The following SLC35F3 variants were observed in gnomAD, a reference collection of about 807,000 sequenced individuals.
The protein encoded by SLC35F3 is putative thiamine transporter SLC35F3.
Under a neutral mutation model 49.9 loss-of-function variants are expected in SLC35F3, and 25 were observed. The observed-to-expected ratio is 0.50, with a 90% confidence interval of 0.37 to 0.70. The LOEUF is 0.70. Ranked by LOEUF, SLC35F3 falls within the 30% of genes least tolerant of loss-of-function variation. The pLI is 0.00. For synonymous variants in SLC35F3, 275 were observed against 265.4 expected (o/e 1.04, Z -0.35); for missense variants, 525 against 639.8 (o/e 0.82, Z 1.94).
At chr1:234,260,565 G>T (rs186957835) in intron 3 of SLC35F3, among the ~76,000 whole-genome samples, 47 of 152,222 alleles carry the variant, frequency 3.1e-4, no homozygotes, top group African/African-American at 1.1e-3. Context: ...AGTTTTGAAC[G>T]GTAAGACTAG....
At chr1:234,289,037 G>A (rs10157528) in intron 3 of SLC35F3, among the ~76,000 whole-genome samples, 101,443 of 152,106 alleles carry the variant, frequency 0.67, 34,882 homozygotes, top group Non-Finnish European at 0.74. Flanking sequence ...GAAAAGGGGG[G>A]AAGAGAAAGC....
At chr1:234,280,306 T>C (rs1393667597) in intron 3 of SLC35F3, among the ~76,000 whole-genome samples, 1 of 152,264 alleles carries the variant, frequency 6.6e-6, no homozygotes, top group African/African-American at 2.4e-5. Context: ...CTCCTTATTC[T>C]TGCTGACCAT....
At chr1:233,984,112 G>A (rs755651721) in intron 2 of SLC35F3, among the ~76,000 whole-genome samples, 16 of 152,152 alleles carry the variant, frequency 1.1e-4, no homozygotes, top group Non-Finnish European at 2.1e-4. Flanking sequence ...AAGCGCATAG[G>A]TGCTTGGTCC....
chr1:234,293,860 G>A (rs1237213081), intron 3 of SLC35F3, among the ~76,000 whole-genome samples: 1 of 152,140 alleles, frequency 6.6e-6, no homozygotes, highest in Non-Finnish European at 1.5e-5. Context: ...TCATAAAACT[G>A]TTCTCTTTAG....
chr1:234,072,408 T>C (rs1664728938), intron 2 of SLC35F3, among the ~76,000 whole-genome samples: 1 of 152,222 alleles, frequency 6.6e-6, no homozygotes, highest in African/African-American at 2.4e-5. Context: ...CAGACACTGA[T>C]GGAGATAATG....
chr1:234,058,170 A>T (rs12061044), intron 2 of SLC35F3, among the ~76,000 whole-genome samples: 1 of 149,978 alleles, frequency 6.7e-6, no homozygotes. Context: ...CATATTGTCA[A>T]TTTTTTTTGG....
chr1:234,078,517 C>G lies in SLC35F3; in HGVS notation c.284-152900C>G, dbSNP rs1001599914. On this transcript the variant is annotated intron_variant, in intron 2 of 7. Coordinates refer to ENST00000366618, the MANE Select transcript of SLC35F3 (RefSeq NM_173508.4). ...CAGTCAGCCCTGTTGATCCCCCTTG[C>G]TCCTTTCTGAAGGAATCCTCTCCAT... Among the ~76,000 whole-genome samples the G allele has an allele frequency of 3.9e-5, 6 of 152,228 alleles. No individual in the cohort carries two copies. In the East Asian group the frequency reaches 1.2e-3, roughly 29 times the overall value.
intron 2 of SLC35F3, among the ~76,000 whole-genome samples, chr1:234,072,800 G>A (rs1283139471): frequency 2.0e-5 from 3 of 152,182 alleles, no homozygotes; most frequent in Non-Finnish European, 2.9e-5. Context: ...AGGGGGCAAG[G>A]GTCCCCATCA....
At chr1:234,245,783 G>A (rs1667622669) in intron 3 of SLC35F3, among the ~76,000 whole-genome samples, 1 of 152,190 alleles carries the variant, frequency 6.6e-6, no homozygotes, top group Admixed American at 6.5e-5. Flanking sequence ...TCTTCTGATG[G>A]CCTGGGCTTC....
At chr1:234,207,368 C>T (rs1666985682) in intron 2 of SLC35F3, among the ~76,000 whole-genome samples, 1 of 7,308 alleles carries the variant, frequency 1.4e-4, no homozygotes, top group African/African-American at 5.2e-4. Context: ...CTGCCTCCAT[C>T]CTTTACCTTT....
At chr1:233,975,489 G>C (rs1007783802) in intron 2 of SLC35F3, among the ~76,000 whole-genome samples, 1 of 152,236 alleles carries the variant, frequency 6.6e-6, no homozygotes, top group African/African-American at 2.4e-5. Context: ...ATTGTGTTTG[G>C]GGGGAGAATG....
chr1:234,001,321 G>A (rs1366478580), intron 2 of SLC35F3, among the ~76,000 whole-genome samples: 1 of 152,064 alleles, frequency 6.6e-6, no homozygotes, highest in East Asian at 1.9e-4. Context: ...ACCAACTCTT[G>A]ATCAACAAGC....
intron 2 of SLC35F3, among the ~76,000 whole-genome samples, chr1:234,031,549 T>C (rs1290157444): frequency 6.6e-6 from 1 of 152,282 alleles, no homozygotes; most frequent in Non-Finnish European, 1.5e-5. Context: ...TAACTCCTTT[T>C]TGGGGGGGCA....
chr1:233,913,289 G>A (rs1169726744), intron 2 of SLC35F3, among the ~76,000 whole-genome samples: 2 of 152,160 alleles, frequency 1.3e-5, no homozygotes, highest in Non-Finnish European at 2.9e-5. Context: ...TTGGACTTGT[G>A]AGCAGAAACA....
chr1:234,170,969 T>C (rs1385592345), intron 2 of SLC35F3, among the ~76,000 whole-genome samples: 2 of 152,206 alleles, frequency 1.3e-5, no homozygotes, highest in East Asian at 3.9e-4. Flanking sequence ...GTTAGCTCAC[T>C]TAAGAAAACT....
In SLC35F3 at chr1:234,262,954, C is replaced by G. The variant is rs1667928233; in HGVS notation, c.608+31213C>G. ...GGAACAAGAGCAAGCTGCTTACATT[C>G]CCAGGTTGCCACAGTTCTGGGCTAC... On this transcript the variant is annotated intron_variant, in intron 3 of 7. Transcript: ENST00000366618. 2.0e-5 allele frequency among the ~76,000 whole-genome samples: 3 copies of G among 152,170 alleles called. No homozygotes were observed. In the South Asian group the frequency reaches 6.2e-4, roughly 32 times the overall value.
intron 2 of SLC35F3, among the ~76,000 whole-genome samples, chr1:233,932,250 C>G (rs1662255169): frequency 6.6e-6 from 1 of 151,998 alleles, no homozygotes; most frequent in Non-Finnish European, 1.5e-5. Context: ...ACCTATGTAA[C>G]AAAACCACAC....
chr1:234,231,724 T>C lies in SLC35F3; in HGVS notation c.591T>C (p.Ser197=), dbSNP rs374550787. ...TCTGCAAGTCCACAGAGAAGCAGTC[T>C]GTGAAGCAGCGATACAGGTAGGCGC... ...GHVCKSTEKQ[S]VKQRYRECCR... Residue 197 remains serine, a synonymous_variant, in exon 3 of 8, where the codon TCT becomes TCC. Transcript: ENST00000366618. The surrounding 1 kb of genome is among the most constrained non-coding windows in gnomAD (Gnocchi z 5.4). The C allele has an allele frequency of 9.3e-6, 15 of 1,610,592 alleles. No individual in the cohort carries two copies. In the African/African-American group the frequency reaches 1.1e-4, roughly 11 times the overall value.
At chr1:234,210,760 A>C (rs1209514805) in intron 2 of SLC35F3, among the ~76,000 whole-genome samples, 4 of 152,266 alleles carry the variant, frequency 2.6e-5, no homozygotes, top group Non-Finnish European at 4.4e-5. Context: ...ATGCAATAGA[A>C]AATTTGTAGC....
Sources: gnomAD v4.1 joint callset for allele counts (sites outside exome capture counted in the v4.1 genomes callset) on GRCh38, gnomAD v4.1.1 for gene constraint, Gnocchi (gnomAD v3.1) non-coding constraint, MANE v1.5 for transcripts, NCBI Gene and HGNC (gene_info 2026-07-23, HGNC 2026-07-21) for gene names.